Variants in CFAP54 observed in about 807,000 individuals in gnomAD.
CFAP54 encodes the protein cilia- and flagella-associated protein 54.
Under a neutral mutation model 370.4 loss-of-function variants are expected in CFAP54, and 290 were observed. The observed-to-expected ratio is 0.78, with a 90% CI of 0.71 to 0.86. The LOEUF is 0.86. Ranked by LOEUF, CFAP54 falls within the 40% of genes least tolerant of loss-of-function variation. The pLI, the probability that CFAP54 is intolerant of heterozygous loss-of-function variation, is 0.00. For missense variants in CFAP54, 3,399 were observed against 3,528.7 expected, an observed-to-expected ratio of 0.96 and a Z score of 0.93; for synonymous variants, 1,206 against 1,236.5, an observed-to-expected ratio of 0.98 and a Z score of 0.52.
At chr12:96,616,480 G>A (rs937034728) in intron 26 of CFAP54, among the ~76,000 whole-genome samples, 3 of 152,178 alleles carry the variant, frequency 2.0e-5, no homozygotes. Context: ...ACTGCATGTT[G>A]TACACATGTA....
At chr12:96,652,658 T>C (rs1956874218) in intron 36 of CFAP54, among the ~76,000 whole-genome samples, 2 of 152,174 alleles carry the variant, frequency 1.3e-5, no homozygotes, top group African/African-American at 4.8e-5. Flanking sequence ...AATAACTGTA[T>C]TTACTATTAG....
intron 1 of CFAP54, among the ~76,000 whole-genome samples, chr12:96,491,505 A>G (rs1310981289): frequency 6.6e-6 from 1 of 152,154 alleles, no homozygotes; most frequent in African/African-American, 2.4e-5. Flanking sequence ...GTGTAAATGG[A>G]GAAGGGAAGA....
chr12:96,558,071 G>T (rs761327360), intron 17 of CFAP54, among the ~76,000 whole-genome samples: 3 of 152,130 alleles, frequency 2.0e-5, no homozygotes, highest in Non-Finnish European at 4.4e-5. Context: ...GGCGTAGGAA[G>T]GAAAAGCATA....
chr12:96,758,898 C>T (rs1208473479), intron 58 of CFAP54, among the ~76,000 whole-genome samples: 6 of 152,076 alleles, frequency 3.9e-5, no homozygotes, highest in African/African-American at 1.2e-4. Context: ...GTGGGCCACA[C>T]GTGAGGACCA....
intron 50 of CFAP54, among the ~76,000 whole-genome samples, chr12:96,729,134 G>T (rs1349154541): frequency 6.6e-6 from 1 of 151,914 alleles, no homozygotes; most frequent in Non-Finnish European, 1.5e-5. Flanking sequence ...AGGGGTCGGG[G>T]ACCCACTTGA....
chr12:96,721,493 G>C (rs1039925541), intron 50 of CFAP54, among the ~76,000 whole-genome samples: 1 of 152,156 alleles, frequency 6.6e-6, no homozygotes, highest in African/African-American at 2.4e-5. Flanking sequence ...TAAGCAGTCA[G>C]GTAGAGTAGT....
chr12:96,698,641 C>A (rs1957460020), intron 45 of CFAP54, among the ~76,000 whole-genome samples: 1 of 152,034 alleles, frequency 6.6e-6, no homozygotes, highest in African/African-American at 2.4e-5. Context: ...GACACATGGA[C>A]ACAAAGAAGG....
chr12:96,502,710 A>T (rs1955044544), intron 2 of CFAP54, among the ~76,000 whole-genome samples: 1 of 152,050 alleles, frequency 6.6e-6, no homozygotes, highest in African/African-American at 2.4e-5. Context: ...GTTGTGGGGG[A>T]GGGAGCTGAG....
At chr12:96,641,986 A>C (rs1247593521) in intron 32 of CFAP54, among the ~76,000 whole-genome samples, 3 of 151,662 alleles carry the variant, frequency 2.0e-5, no homozygotes, top group Non-Finnish European at 4.4e-5. Context: ...TTAAATGACG[A>C]GTTAATGGGT....
At chr12:96,541,377 C>G (rs1331014954) in intron 14 of CFAP54, among the ~76,000 whole-genome samples, 1 of 151,742 alleles carries the variant, frequency 6.6e-6, no homozygotes, top group Non-Finnish European at 1.5e-5. Context: ...CCTCCATCTC[C>G]CAGGTTCAAG....
chr12:96,779,749 G>T (rs978224686), intron 60 of CFAP54, among the ~76,000 whole-genome samples: 1 of 149,964 alleles, frequency 6.7e-6, no homozygotes, highest in African/African-American at 2.5e-5. Context: ...TACTTTTGGT[G>T]AACTTTTTAA....
chr12:96,763,712 G>C (rs2136669944), intron 58 of CFAP54, among the ~76,000 whole-genome samples: 1 of 152,324 alleles, frequency 6.6e-6, no homozygotes, highest in South Asian at 2.1e-4. Flanking sequence ...CTGGGAGGCA[G>C]AGGTTGCAGT....
chr12:96,747,439 A>C (rs1201232237), intron 55 of CFAP54, among the ~76,000 whole-genome samples: 1 of 152,222 alleles, frequency 6.6e-6, no homozygotes, highest in Non-Finnish European at 1.5e-5. Context: ...TTGTAACAAA[A>C]AAATTGTTCA....
chr12:96,608,390 C>T (rs1336205587), intron 26 of CFAP54, among the ~76,000 whole-genome samples: 1 of 149,900 alleles, frequency 6.7e-6, no homozygotes, highest in Non-Finnish European at 1.5e-5. Context: ...ATATGTCTCT[C>T]TATATACATG....
At chr12:96,719,762 G>A (rs1192614652) in intron 49 of CFAP54, among the ~76,000 whole-genome samples, 1 of 152,162 alleles carries the variant, frequency 6.6e-6, no homozygotes, top group African/African-American at 2.4e-5. Context: ...CCTTTTCACG[G>A]TCTATTTAGT....
At chr12:96,638,696 T>C (rs1401237507) in intron 32 of CFAP54, among the ~76,000 whole-genome samples, 1 of 152,228 alleles carries the variant, frequency 6.6e-6, no homozygotes, top group African/African-American at 2.4e-5. Context: ...AATGATTCTT[T>C]TAGAACTCTT....
At chr12:96,802,059 G>A (rs1007697935) in intron 63 of CFAP54, among the ~76,000 whole-genome samples, 8 of 152,250 alleles carry the variant, frequency 5.3e-5, no homozygotes, top group Middle Eastern at 3.4e-3. Context: ...GGCCTAAGGT[G>A]CTGTTTTGAG....
chr12:96,620,011 T>A (rs1956468100), intron 26 of CFAP54, among the ~76,000 whole-genome samples: 2 of 152,234 alleles, frequency 1.3e-5, no homozygotes, highest in South Asian at 4.2e-4. Flanking sequence ...AGTAAACAAA[T>A]AAAAATTTTT....
At chr12:96,760,579 C>T (rs984733909) in intron 58 of CFAP54, among the ~76,000 whole-genome samples, 1 of 152,220 alleles carries the variant, frequency 6.6e-6, no homozygotes, top group Admixed American at 6.5e-5. Context: ...GATGCCTAGA[C>T]TGGAGTGCAG....
Sources: allele counts gnomAD v4.1 joint callset (sites outside exome capture counted in the v4.1 genomes callset), GRCh38; gene constraint gnomAD v4.1.1; transcripts MANE v1.5; gene names NCBI Gene and HGNC (gene_info 2026-07-23, HGNC 2026-07-21).